Variants in EDN1 observed in about 807,000 individuals in gnomAD.
EDN1 encodes the protein endothelin-1.
A neutral mutation model predicts 21.7 loss-of-function variants in EDN1; 11 were observed. The ratio of observed to expected loss-of-function variants is 0.51; its 90% CI spans 0.32 to 0.84. The LOEUF (loss-of-function observed/expected upper bound fraction) is 0.84. Ranked by LOEUF, EDN1 falls within the 40% of genes least tolerant of loss-of-function variation. EDN1 has a pLI of 0.03. For synonymous variants in EDN1, 85 were observed against 90.6 expected (o/e 0.94, Z 0.35); for missense variants, 244 against 262.3 (o/e 0.93, Z 0.48).
the EDN1 span, among the ~76,000 whole-genome samples, chr6:12,236,831 T>A: frequency 7.2e-5 from 11 of 152,262 alleles, no homozygotes; most frequent in East Asian, 1.5e-3. Context: ...TTCTTTTTTT[T>A]AATTATTATT....
the EDN1 span, among the ~76,000 whole-genome samples, chr6:12,255,531 A>G: frequency 6.6e-6 from 1 of 152,238 alleles, no homozygotes; most frequent in Non-Finnish European, 1.5e-5. Context: ...ATGACTATTT[A>G]TAAGAATGCT....
the EDN1 span, among the ~76,000 whole-genome samples, chr6:12,271,425 A>G: frequency 6.6e-6 from 1 of 152,172 alleles, no homozygotes; most frequent in Non-Finnish European, 1.5e-5. Context: ...TTTAGCTGAT[A>G]ATAATAAACT....
the EDN1 span, among the ~76,000 whole-genome samples, chr6:12,246,032 T>G: frequency 3.4e-5 from 4 of 116,026 alleles, no homozygotes; most frequent in Non-Finnish European, 7.7e-5. Context: ...GCAGAGAAGA[T>G]CCTTAAAGAA....
chr6:12,296,266 G>A lies in EDN1; in HGVS notation c.*199G>A. ...ACCATCTTCACTGGCTTCCATCAGT[G>A]GTAACTGCTTTGGTCTCTTCTTTCA... On this transcript the variant is annotated 3_prime_UTR_variant, in exon 5 of 5. Coordinates refer to ENST00000379375, the MANE Select transcript of EDN1 (RefSeq NM_001955.5). The A allele has an allele frequency of 1.8e-6, 1 of 571,360 alleles. No individual in the cohort carries two copies. Among genetic ancestry groups the A allele is most frequent in the East Asian group, 3.2e-5 (1 of 31,248 alleles). The allele number at this position is 571,360 out of a possible 1,614,324, so 35.4% of individuals were successfully genotyped here.
At chr6:12,254,475 A>G in the EDN1 span, among the ~76,000 whole-genome samples, 1 of 152,304 alleles carries the variant, frequency 6.6e-6, no homozygotes, top group East Asian at 1.9e-4. Context: ...CAGCCTGTTG[A>G]TATGTCTGGA....
At chr6:12,238,449 T>C in the EDN1 span, among the ~76,000 whole-genome samples, 1 of 152,110 alleles carries the variant, frequency 6.6e-6, no homozygotes, top group Admixed American at 6.5e-5. Context: ...TTAGGCACCA[T>C]AGGACAGGAA....
At chr6:12,236,868 C>T in the EDN1 span, among the ~76,000 whole-genome samples, 2 of 151,082 alleles carry the variant, frequency 1.3e-5, no homozygotes, top group African/African-American at 4.9e-5. Flanking sequence ...GGTACATGTG[C>T]ACAACGTGCA....
chr6:12,267,390 T>A, the EDN1 span, among the ~76,000 whole-genome samples: 1 of 152,210 alleles, frequency 6.6e-6, no homozygotes, highest in East Asian at 1.9e-4. Context: ...GAAACTCAAG[T>A]TAGCACATGA....
chr6:12,289,298 T>G (rs1581881754), upstream of EDN1, among the ~76,000 whole-genome samples: 1 of 152,258 alleles, frequency 6.6e-6, no homozygotes, highest in South Asian at 2.1e-4. Flanking sequence ...CTTTTTGCCC[T>G]AAATGAAGAC....
the EDN1 span, among the ~76,000 whole-genome samples, chr6:12,243,877 A>G: frequency 1.1e-4 from 16 of 152,314 alleles, no homozygotes; most frequent in Middle Eastern, 3.4e-3. Flanking sequence ...GTTGGATATA[A>G]CCTAATTTAT....
the EDN1 span, among the ~76,000 whole-genome samples, chr6:12,284,643 AAAAAG>A: frequency 6.8e-6 from 1 of 146,314 alleles, no homozygotes; most frequent in Non-Finnish European, 1.5e-5. Context: ...GGAAAGAAAG[AAAAAG>A]AAAGGGAGAA....
the EDN1 span, among the ~76,000 whole-genome samples, chr6:12,252,713 G>A: frequency 4.3e-4 from 66 of 152,114 alleles, no homozygotes. Context: ...AGTTAAGTTT[G>A]CATGAACTTC....
chr6:12,280,851 C>G, the EDN1 span, among the ~76,000 whole-genome samples: 2 of 152,286 alleles, frequency 1.3e-5, no homozygotes, highest in East Asian at 1.9e-4. Context: ...CAAGAACATG[C>G]CACTGCACTC....
the EDN1 span, among the ~76,000 whole-genome samples, chr6:12,248,618 T>G: frequency 1.3e-5 from 2 of 151,838 alleles, no homozygotes; most frequent in Non-Finnish European, 2.9e-5. Flanking sequence ...AATGAGCAAC[T>G]CTTTTACCTG....
At chr6:12,235,284 G>C in the EDN1 span, among the ~76,000 whole-genome samples, 4 of 152,174 alleles carry the variant, frequency 2.6e-5, no homozygotes, top group African/African-American at 7.2e-5. Flanking sequence ...TAGAAAGTCT[G>C]TCCTGCTCAG....
chr6:12,287,290 GT>G (rs1762571416), upstream of EDN1, among the ~76,000 whole-genome samples: 1 of 151,964 alleles, frequency 6.6e-6, no homozygotes, highest in Admixed American at 6.5e-5. Flanking sequence ...GAGGGGTGGG[GT>G]GGGGCTATGA....
At chr6:12,273,363 C>G in the EDN1 span, among the ~76,000 whole-genome samples, 1 of 152,060 alleles carries the variant, frequency 6.6e-6, no homozygotes, top group South Asian at 2.1e-4. Context: ...GGTCTTTTCT[C>G]AGTGATAGGG....
At chr6:12,295,773 G>C (rs191661349) in intron 4 of EDN1, among the ~76,000 whole-genome samples, 189 bp from the exon 5 acceptor site, 114 of 152,262 alleles carry the variant, frequency 7.5e-4, no homozygotes, top group African/African-American at 2.6e-3. Flanking sequence ...TCTAAGCATA[G>C]GGGCAGGCTT....
At chr6:12,233,296 A>G in the EDN1 span, among the ~76,000 whole-genome samples, 1 of 152,200 alleles carries the variant, frequency 6.6e-6, no homozygotes, top group African/African-American at 2.4e-5. Flanking sequence ...AGCATCCCCT[A>G]AAGCCTAAAT....
Sources: gnomAD v4.1 joint callset for allele counts (sites outside exome capture counted in the v4.1 genomes callset) on GRCh38, gnomAD v4.1.1 for gene constraint, MANE v1.5 for transcripts, NCBI Gene and HGNC (gene_info 2026-07-23, HGNC 2026-07-21) for gene names.